Variants in PCDHA12 observed in about 807,000 individuals in gnomAD.
PCDHA12 encodes the protein protocadherin alpha 12.
A neutral mutation model predicts 60.0 loss-of-function variants in PCDHA12; 44 were observed. That is an observed-to-expected ratio of 0.73 (90% CI 0.58 to 0.94). The LOEUF is 0.94. PCDHA12 is among the 40% of genes least tolerant of loss of function. PCDHA12 has a pLI of 0.00. For missense variants in PCDHA12, 1,276 were observed against 1,239.7 expected, an observed-to-expected ratio of 1.03 and a Z score of -0.44; for synonymous variants, 569 against 553.0, an observed-to-expected ratio of 1.03 and a Z score of -0.40.
intron 1 of PCDHA12, among the ~76,000 whole-genome samples, chr5:140,910,364 TATGCCCACCTTGCC>T: frequency 6.6e-6 from 1 of 152,222 alleles, no homozygotes; most frequent in Admixed American, 6.5e-5. Context: ...TTATGGTAGC[TATGCCCACCTTGCC>T]TTTGACAGTT....
chr5:140,929,613 C>G (rs1485250435), intron 1 of PCDHA12: 2 of 406,044 alleles, frequency 4.9e-6, no homozygotes, highest in Admixed American at 8.8e-5. Flanking sequence ...AATAAAATAC[C>G]AAAATATTTT....
chr5:140,979,110 C>A, intron 2 of PCDHA12, 103 bp downstream of exon 2: 1 of 1,515,726 alleles, frequency 6.6e-7, no homozygotes, highest in East Asian at 2.3e-5. Flanking sequence ...AACTAAAAAG[C>A]TTTAGGTACT....
At chr5:140,970,135 G>C (rs1317802980) in intron 1 of PCDHA12, among the ~76,000 whole-genome samples, 1 of 152,016 alleles carries the variant, frequency 6.6e-6, no homozygotes, top group Non-Finnish European at 1.5e-5. Context: ...GAAGAGAAGG[G>C]AAAAAGAATT....
intron 1 of PCDHA12, chr5:140,968,461 C>G (rs141568667): frequency 1.4e-5 from 22 of 1,614,078 alleles, no homozygotes; most frequent in Non-Finnish European, 1.9e-5. Context: ...CTGTGACTGC[C>G]AACGTATATG....
chr5:140,911,941 T>C (rs1554195035), intron 1 of PCDHA12, among the ~76,000 whole-genome samples: 1 of 152,132 alleles, frequency 6.6e-6, no homozygotes, highest in Non-Finnish European at 1.5e-5. Flanking sequence ...TAGATGTATA[T>C]ATAAAGGGGA....
chr5:140,990,198 C>T (rs954813003), intron 3 of PCDHA12, among the ~76,000 whole-genome samples: 5 of 151,968 alleles, frequency 3.3e-5, no homozygotes, highest in South Asian at 2.1e-4. Context: ...AATGTGGACC[C>T]GAAAGAGAAC....
Position 140,915,626 on chromosome 5 carries a change from G to GTCTCTCTC in PCDHA12, c.2367+37810_2367+37817dup, listed in dbSNP as rs57920489. Among the ~76,000 whole-genome samples the GTCTCTCTC allele has an allele frequency of 4.4e-3, 648 of 146,532 alleles. 6 individuals carry two copies. Among genetic ancestry groups the GTCTCTCTC allele is most frequent in the East Asian group, 0.011 (51 of 4,846 alleles). Reference sequence around the variant, plus strand: ...ACTTTCTGTCAAACAGTCTCTTTCTGTCTCTCTCTCTCTCTCTCTCTCTCT... The same window carrying GTCTCTCTC: ...ACTTTCTGTCAAACAGTCTCTTTCTGTCTCTCTCTCTCTCTCTCTCTCTCTCTCTCTCT... On this transcript the variant is annotated intron_variant, in intron 1 of 3. Transcript: ENST00000398631.
chr5:140,949,630 T>C (rs549897729), intron 1 of PCDHA12, among the ~76,000 whole-genome samples: 2 of 152,016 alleles, frequency 1.3e-5, no homozygotes, highest in South Asian at 4.1e-4. Flanking sequence ...TTTCATGGCA[T>C]ATTGCTTTTT....
At chr5:140,920,828 G>A (rs1482219421) in intron 1 of PCDHA12, among the ~76,000 whole-genome samples, 4 of 147,976 alleles carry the variant, frequency 2.7e-5, no homozygotes, top group African/African-American at 1.0e-4. Context: ...TGGCGACGGA[G>A]CAAGACCAAA....
At chr5:140,889,257 A>G (rs946372435) in intron 1 of PCDHA12, among the ~76,000 whole-genome samples, 1 of 151,854 alleles carries the variant, frequency 6.6e-6, no homozygotes, top group Non-Finnish European at 1.5e-5. Flanking sequence ...TTTCCTGTAA[A>G]AGTTTGTATA....
chr5:140,968,405 G>C (rs2096244938), intron 1 of PCDHA12: 7 of 1,614,002 alleles, frequency 4.3e-6, no homozygotes, highest in Non-Finnish European at 5.9e-6. Flanking sequence ...GGAGTTCTTT[G>C]TGACTGTGGA....
chr5:140,925,069 C>T (rs1240618705), intron 1 of PCDHA12, among the ~76,000 whole-genome samples: 1 of 149,418 alleles, frequency 6.7e-6, no homozygotes, highest in Non-Finnish European at 1.5e-5. Context: ...AACAAAGCAA[C>T]ACGCTCATCT....
At chr5:140,928,495 A>G in intron 1 of PCDHA12, 2 of 1,614,206 alleles carry the variant, frequency 1.2e-6, no homozygotes, top group South Asian at 1.1e-5. Flanking sequence ...CATTCCTCCC[A>G]GAAGTGCAAC....
rs376513441 is a variant in PCDHA12 at position 140,877,350 on chromosome 5, G to T, written c.1878G>T (p.Leu626=). The part of the protein sequence containing the change: ...VGAHIPFHVG[L]YTGEISTTRI... ...CGCACATCCCGTTCCACGTGGGGCT[G>T]TACACTGGCGAGATCAGCACGACAC... Residue 626 remains leucine, a synonymous_variant, in exon 1 of 4, where the codon CTG becomes CTT. Transcript: ENST00000398631. The T allele has an allele frequency of 1.9e-6, 3 of 1,614,014 alleles. No homozygotes were observed. Among genetic ancestry groups the T allele is most frequent in the Non-Finnish European group, 2.5e-6 (3 of 1,179,892 alleles).
At position 140,963,044 on chromosome 5, in the gene PCDHA12, T is replaced by C. The variant is rs144557802; in HGVS notation, c.2368-15905T>C. On this transcript the variant is annotated intron_variant, in intron 1 of 3. Transcript: ENST00000398631. The stretch of plus-strand genomic sequence containing the variant: ...AAGCAATTAACATTTATTGAGAGTC[T>C]ATAAGGGTTTCTACATTGTGAAGGA... Among the ~76,000 whole-genome samples the C allele has an allele frequency of 9.3e-4, 141 of 152,294 alleles. 1 individual carries two copies. Among genetic ancestry groups the C allele is most frequent in the African/African-American group, 2.9e-3 (121 of 41,576 alleles).
intron 1 of PCDHA12, chr5:140,882,409 C>A: frequency 6.2e-7 from 1 of 1,614,158 alleles, no homozygotes; most frequent in Non-Finnish European, 8.5e-7. Flanking sequence ...TCGTGGGCCG[C>A]ATCGCTCAGG....
chr5:140,957,717 A>G (rs2095377934), intron 1 of PCDHA12, among the ~76,000 whole-genome samples: 1 of 152,166 alleles, frequency 6.6e-6, no homozygotes, highest in African/African-American at 2.4e-5. Context: ...TTATTAAGAA[A>G]GAAGCAGAAT....
intron 1 of PCDHA12, among the ~76,000 whole-genome samples, chr5:140,971,045 T>G (rs2096453995): frequency 6.6e-6 from 1 of 152,090 alleles, no homozygotes; most frequent in Non-Finnish European, 1.5e-5. Context: ...CGTAAAAGGG[T>G]TTAGCTTTAA....
At chr5:140,957,893 C>T (rs1554223179) in intron 1 of PCDHA12, among the ~76,000 whole-genome samples, 1 of 151,938 alleles carries the variant, frequency 6.6e-6, no homozygotes, top group Non-Finnish European at 1.5e-5. Flanking sequence ...AAGTTGGCAT[C>T]AACCAAGGCA....
Sources: allele counts gnomAD v4.1 joint callset (sites outside exome capture counted in the v4.1 genomes callset), GRCh38; gene constraint gnomAD v4.1.1; transcripts MANE v1.5; gene names NCBI Gene and HGNC (gene_info 2026-07-23, HGNC 2026-07-21).